The following DCDC1 variants were observed in gnomAD, a reference collection of about 807,000 sequenced individuals.
DCDC1 encodes the protein doublecortin domain containing 1, also known as doublecortin domain-containing protein 1.
A neutral mutation model predicts 178.3 loss-of-function variants in DCDC1; 200 were observed. The ratio of observed to expected loss-of-function variants is 1.12; its 90% confidence interval spans 1.00 to 1.26. The LOEUF (loss-of-function observed/expected upper bound fraction) is 1.26. DCDC1 is among the 50% of genes most tolerant of loss of function. The pLI, the probability that DCDC1 is intolerant of heterozygous loss-of-function variation, is 0.00. For missense variants in DCDC1, 1,983 were observed against 1,749.2 expected, an observed-to-expected ratio of 1.13 and a Z score of -2.38; for synonymous variants, 690 against 604.8, an observed-to-expected ratio of 1.14 and a Z score of -2.07.
intron 9 of DCDC1, among the ~76,000 whole-genome samples, chr11:31,191,721 T>C (rs546717956): frequency 6.6e-6 from 1 of 152,084 alleles, no homozygotes. Flanking sequence ...AACAAAGAAG[T>C]GAAAAGATAA....
chr11:31,250,415 CATAT>C (rs753411919), intron 8 of DCDC1, among the ~76,000 whole-genome samples: 11 of 73,732 alleles, frequency 1.5e-4, no homozygotes, highest in East Asian at 9.3e-4. Flanking sequence ...CACACACACA[CATAT>C]ACATATATAT....
Position 31,037,578 on chromosome 11 carries a change from C to A in DCDC1, c.2591+26891G>T, listed in dbSNP as rs182162063. Among the ~76,000 whole-genome samples the A allele has an allele frequency of 3.4e-4, 52 of 151,904 alleles. No individual in the cohort carries two copies. The East Asian group carries it at 7.8e-3, about 23-fold the overall frequency. Reference sequence around the variant, plus strand: ...TCCCCAGTAGCTGGGACTACAGGTGCCCGCCACCTAATTTTTTGTATTTTT... The same window carrying A: ...TCCCCAGTAGCTGGGACTACAGGTGACCGCCACCTAATTTTTTGTATTTTT... On this transcript the variant is annotated intron_variant, in intron 20 of 38. Coordinates refer to ENST00000684477, the MANE Select transcript of DCDC1 (RefSeq NM_001387274.1).
intron 9 of DCDC1, among the ~76,000 whole-genome samples, chr11:31,163,974 CAG>C (rs973339957): frequency 2.6e-5 from 4 of 151,948 alleles, no homozygotes. Context: ...TTAAAAATAA[CAG>C]AGTTATTTTT....
intron 20 of DCDC1, among the ~76,000 whole-genome samples, chr11:31,031,462 GTAATAAC>G (rs1953635683): frequency 6.6e-6 from 1 of 151,966 alleles, no homozygotes; most frequent in South Asian, 2.1e-4. Flanking sequence ...GAGATTTATT[GTAATAAC>G]TTCAATTTTT....
chr11:31,165,198 G>T (rs1222701693), intron 9 of DCDC1, among the ~76,000 whole-genome samples: 1 of 152,026 alleles, frequency 6.6e-6, no homozygotes, highest in Non-Finnish European at 1.5e-5. Context: ...TGATGACACA[G>T]GATATTATGG....
chr11:30,991,722 C>T (rs1474117000), intron 20 of DCDC1, among the ~76,000 whole-genome samples: 1 of 152,060 alleles, frequency 6.6e-6, no homozygotes, highest in East Asian at 1.9e-4. Flanking sequence ...GTAGGCATAA[C>T]ACCAAAATAA....
intron 9 of DCDC1, among the ~76,000 whole-genome samples, chr11:31,234,791 C>CTA (rs1976252584): frequency 1.3e-5 from 2 of 152,192 alleles, no homozygotes; most frequent in Admixed American, 6.6e-5. Context: ...TATGCCCTCT[C>CTA]TAACCAGCTG....
chr11:30,886,754 A>G (rs1045133960), intron 36 of DCDC1, among the ~76,000 whole-genome samples: 2 of 147,044 alleles, frequency 1.4e-5, no homozygotes, highest in East Asian at 2.0e-4. Context: ...AGCAGTCACT[A>G]TTTTTTTTTT....
At chr11:31,100,206 G>T (rs1958419502) in intron 15 of DCDC1, among the ~76,000 whole-genome samples, 1 of 152,142 alleles carries the variant, frequency 6.6e-6, no homozygotes, top group South Asian at 2.1e-4. Flanking sequence ...ATCTGGCTTG[G>T]CTAACAGACA....
chr11:30,958,449 T>C (rs1331973825), intron 20 of DCDC1, among the ~76,000 whole-genome samples: 1 of 152,106 alleles, frequency 6.6e-6, no homozygotes, highest in Non-Finnish European at 1.5e-5. Context: ...GGATGTGCAA[T>C]AGTGAACCAC....
At position 30,887,050 on chromosome 11, in the gene DCDC1, G is replaced by T. The variant is rs1943239774; in HGVS notation, c.5083-5742C>A. On this transcript the variant is annotated intron_variant, in intron 36 of 38. Coordinates refer to ENST00000684477, the MANE Select transcript of DCDC1 (RefSeq NM_001387274.1). ...GGTTATTTTACTTGGTTTCTCCTAA[G>T]ACCTATTTGTATGTAAAGTCAATAA... Among the ~76,000 whole-genome samples, 3 of 151,914 alleles carry T rather than the reference G, an allele frequency of 2.0e-5. No individual in the cohort carries two copies. In the South Asian group the frequency reaches 6.3e-4, roughly 32 times the overall value.
chr11:31,202,417 A>G (rs1212217363), intron 9 of DCDC1, among the ~76,000 whole-genome samples: 1 of 152,196 alleles, frequency 6.6e-6, no homozygotes, highest in Non-Finnish European at 1.5e-5. Context: ...AAAAGAAAAA[A>G]AAAAGTAGTT....
chr11:31,121,336 A>G lies in DCDC1; in HGVS notation c.1485+6133T>C, dbSNP rs564785243. Among the ~76,000 whole-genome samples the G allele has an allele frequency of 1.2e-4, 18 of 150,990 alleles. No individual in the cohort carries two copies. The South Asian group carries it at 3.9e-3, about 32-fold the overall frequency. The stretch of plus-strand genomic sequence containing the variant: ...ACAACTCTTTCCTAAAATTCCTCAA[A>G]TGGTGTTATGTTTCCATTTTTTTTT... On this transcript the variant is annotated intron_variant, in intron 11 of 38. Transcript: ENST00000684477.
In DCDC1 at chr11:31,087,649, C is replaced by A. The variant is rs934933983; in HGVS notation, c.2237+3744G>T. Among the ~76,000 whole-genome samples the A allele has an allele frequency of 1.3e-5, 2 of 151,958 alleles. 1 individual carries two copies. Among genetic ancestry groups the A allele is most frequent in the South Asian group, 4.2e-4 (2 of 4,818 alleles). ...ATCTGGGGGTTTTGCAGAAAACTTG[C>A]CACTATATTTTAGTTTAACTCCATT... is the stretch of plus-strand genomic sequence containing the variant. On this transcript the variant is annotated intron_variant, in intron 17 of 38. Coordinates refer to ENST00000684477, the MANE Select transcript of DCDC1 (RefSeq NM_001387274.1).
chr11:31,095,608 T>C lies in DCDC1; in HGVS notation c.1984-1424A>G, dbSNP rs553042371. On this transcript the variant is annotated intron_variant, in intron 15 of 38. Coordinates refer to ENST00000684477, the MANE Select transcript of DCDC1 (RefSeq NM_001387274.1). ...ACAATCTCCTAAGAATAAAGAAATATGAGCTGAGACTTTAGAGATAGTTGT... is the reference window on the plus strand; with the variant it reads ...ACAATCTCCTAAGAATAAAGAAATACGAGCTGAGACTTTAGAGATAGTTGT... Among the ~76,000 whole-genome samples the C allele has an allele frequency of 3.3e-5, 5 of 152,238 alleles. No individual in the cohort carries two copies. The South Asian group carries it at 1.0e-3, about 32-fold the overall frequency.
intron 9 of DCDC1, among the ~76,000 whole-genome samples, chr11:31,239,141 T>C (rs933418079): frequency 6.6e-6 from 1 of 152,048 alleles, no homozygotes; most frequent in Non-Finnish European, 1.5e-5. Flanking sequence ...AATCTAATCA[T>C]ACGATTTATA....
intron 21 of DCDC1, chr11:30,943,742 A>C (rs954639642): frequency 2.4e-6 from 1 of 409,194 alleles, no homozygotes; most frequent in Admixed American, 3.1e-5. Context: ...CCATATTTAA[A>C]AAATACTGAT....
At chr11:31,289,225 G>A (rs992550932) in intron 7 of DCDC1, among the ~76,000 whole-genome samples, 9 of 151,958 alleles carry the variant, frequency 5.9e-5, no homozygotes, top group African/African-American at 1.9e-4. Context: ...ATGGAATTAC[G>A]AGATTGAACT....
chr11:31,299,825 C>T (rs1947964088), intron 6 of DCDC1, among the ~76,000 whole-genome samples: 4 of 152,042 alleles, frequency 2.6e-5, no homozygotes, highest in Admixed American at 2.0e-4. Flanking sequence ...TCTTTACTTC[C>T]CATAATACAT....
Sources: allele counts gnomAD v4.1 joint callset (sites outside exome capture counted in the v4.1 genomes callset), GRCh38; gene constraint gnomAD v4.1.1; transcripts MANE v1.5; gene names NCBI Gene and HGNC (gene_info 2026-07-23, HGNC 2026-07-21).